THSD7B: variants seen among roughly 807,000 people sequenced by gnomAD.
THSD7B encodes thrombospondin type-1 domain-containing protein 7B.
Under a neutral mutation model 213.6 loss-of-function variants are expected in THSD7B, and 138 were observed. The ratio of observed to expected loss-of-function variants is 0.65; its 90% CI spans 0.56 to 0.74. The LOEUF (loss-of-function observed/expected upper bound fraction) is 0.74. Among genes scored for constraint, THSD7B ranks in the 30% least tolerant of loss-of-function variants. The probability of loss-of-function intolerance (pLI) is 0.00; values close to 1 mark genes in which losing one functional copy is unlikely to be tolerated. For missense variants in THSD7B, 1,931 were observed against 1,991.5 expected, an observed-to-expected ratio of 0.97 and a Z score of 0.58; for synonymous variants, 742 against 687.0, an observed-to-expected ratio of 1.08 and a Z score of -1.25.
At chr2:137,036,880 C>G (rs1030079146) in intron 2 of THSD7B, among the ~76,000 whole-genome samples, 1 of 152,130 alleles carries the variant, frequency 6.6e-6, no homozygotes, top group Non-Finnish European at 1.5e-5. Flanking sequence ...TTGAGCACAT[C>G]AAGACCATTT....
At position 137,192,058 on chromosome 2, in the gene THSD7B, G is replaced by T. The variant is rs111492037; in HGVS notation, c.1723+21120G>T. 7.3e-3 allele frequency among the ~76,000 whole-genome samples: 1,111 copies of T among 152,130 alleles called. 14 individuals carry two copies. The highest frequency in any genetic ancestry group is 0.025 in the African/African-American group (1,022 of 41,504). ...ATGAATTGTTGGAAGAGGAATTGCT[G>T]GTGTTATCATTTGTGTTTTGTGGGT... On this transcript the variant is annotated intron_variant, in intron 7 of 27. Transcript: ENST00000409968.
Position 136,882,067 on chromosome 2 carries a change from AG to A in THSD7B, c.-35-75del, listed in dbSNP as rs1303886297. On this transcript the variant is annotated intron_variant, in intron 1 of 27. Transcript: ENST00000409968. ...AAAACTTGCAATACCATCATAATAA[AG>A]GTTCTAGCAGTCAAAATGAGTTGTT... 4.3e-5 allele frequency: 50 copies of A among 1,150,836 alleles called. No individual in the cohort carries two copies. In the East Asian group the frequency reaches 7.5e-4, roughly 17 times the overall value. 71.3% of individuals were successfully genotyped at this position (1,150,836 alleles called of 1,614,324 possible). A position where few individuals can be genotyped will look rare whatever the true frequency, so the allele number is the denominator to read the frequency against.
chr2:137,071,427 G>C lies in THSD7B; in HGVS notation c.950+14197G>C, dbSNP rs529179581. Reference sequence around the variant, plus strand: ...TTGTTTGTTTTTTTCTTGTAAATTTGTTTGAGTTCATTGTAGATTCTGGAT... The same window carrying C: ...TTGTTTGTTTTTTTCTTGTAAATTTCTTTGAGTTCATTGTAGATTCTGGAT... On this transcript the variant is annotated intron_variant, in intron 3 of 27. Coordinates refer to ENST00000409968, the MANE Select transcript of THSD7B (RefSeq NM_001316349.2). Among the ~76,000 whole-genome samples, 436 of 152,142 alleles carry C rather than the reference G, an allele frequency of 2.9e-3. 3 individuals carry two copies. The highest frequency in any genetic ancestry group is 9.5e-3 in the African/African-American group (395 of 41,504).
chr2:137,277,829 G>A (rs1682907216), intron 12 of THSD7B, among the ~76,000 whole-genome samples: 1 of 152,098 alleles, frequency 6.6e-6, no homozygotes, highest in Non-Finnish European at 1.5e-5. Flanking sequence ...GAGTGTGTGT[G>A]TATGTGTGTT....
chr2:137,655,343 C>T (rs1208941520), intron 21 of THSD7B, among the ~76,000 whole-genome samples, 158 bp from the exon 22 acceptor site: 1 of 152,102 alleles, frequency 6.6e-6, no homozygotes, highest in Non-Finnish European at 1.5e-5. Flanking sequence ...CAGTGTTGCT[C>T]AGGGATGCTT....
chr2:137,186,437 C>T (rs540338710), intron 7 of THSD7B, among the ~76,000 whole-genome samples: 8 of 152,052 alleles, frequency 5.3e-5, no homozygotes, highest in East Asian at 1.9e-4. Flanking sequence ...TTTATTCTTC[C>T]GCAAATGGCT....
At chr2:137,071,753 A>G (rs1558908267) in intron 3 of THSD7B, among the ~76,000 whole-genome samples, 1 of 152,166 alleles carries the variant, frequency 6.6e-6, no homozygotes, top group Non-Finnish European at 1.5e-5. Flanking sequence ...CTAACATTTA[A>G]GTCTTTAATC....
intron 5 of THSD7B, chr2:137,156,064 T>C (rs1435379981): frequency 1.3e-5 from 2 of 152,154 alleles, no homozygotes; most frequent in Non-Finnish European, 2.9e-5. Context: ...GTAAAATTGA[T>C]GAATTAAACT....
chr2:137,294,695 G>T (rs1331121219), intron 12 of THSD7B, among the ~76,000 whole-genome samples: 1 of 150,850 alleles, frequency 6.6e-6, no homozygotes, highest in African/African-American at 2.4e-5. Flanking sequence ...TTCTTACTGT[G>T]CTTAATCTAT....
intron 2 of THSD7B, among the ~76,000 whole-genome samples, chr2:136,946,628 G>T (rs938277642): frequency 3.3e-5 from 5 of 152,154 alleles, no homozygotes; most frequent in Non-Finnish European, 7.4e-5. Flanking sequence ...CTGTGCTGTG[G>T]TTGGCTCTGC....
intron 1 of THSD7B, among the ~76,000 whole-genome samples, chr2:136,860,672 C>T (rs889707192): frequency 1.3e-5 from 2 of 152,226 alleles, no homozygotes; most frequent in African/African-American, 4.8e-5. Context: ...ATGATTTCCA[C>T]TGCCACTCAT....
intron 5 of THSD7B, among the ~76,000 whole-genome samples, chr2:137,150,242 CAAAAAAA>C (rs34325279): frequency 7.7e-6 from 1 of 129,372 alleles, no homozygotes; most frequent in Non-Finnish European, 1.7e-5. Context: ...AATTCTGTCT[CAAAAAAA>C]AAAAAAAAGA....
chr2:137,130,244 A>G (rs187402213), intron 5 of THSD7B, among the ~76,000 whole-genome samples: 1 of 152,208 alleles, frequency 6.6e-6, no homozygotes, highest in Admixed American at 6.5e-5. Flanking sequence ...AAAAACACAT[A>G]ATGTATGTCT....
At chr2:137,458,977 T>G (rs976740300) in intron 15 of THSD7B, among the ~76,000 whole-genome samples, 2 of 152,108 alleles carry the variant, frequency 1.3e-5, no homozygotes, top group African/African-American at 4.8e-5. Flanking sequence ...TTATCTTTCT[T>G]ACTGCATCAA....
chr2:137,185,694 A>G (rs1421962361), intron 7 of THSD7B, among the ~76,000 whole-genome samples: 1 of 152,162 alleles, frequency 6.6e-6, no homozygotes, highest in Non-Finnish European at 1.5e-5. Flanking sequence ...CTAGCTCTGC[A>G]GTGAACCTAT....
At position 136,887,329 on chromosome 2, in the gene THSD7B, T is replaced by TGTGTGTGTGA. The variant is rs1553455589; in HGVS notation, c.139+5013_139+5014insTGTGTGTGAG. 4.3e-3 allele frequency among the ~76,000 whole-genome samples: 644 copies of TGTGTGTGTGA among 151,144 alleles called. 4 individuals are homozygous for TGTGTGTGTGA. Among genetic ancestry groups the TGTGTGTGTGA allele is most frequent in the South Asian group, 0.017 (81 of 4,770 alleles). ...GTGTGTGTGTGTGTGTGTGTGTGTG[T>TGTGTGTGTGA]GACAGGCTTTTAAAATAGCCTTCAG... On this transcript the variant is annotated intron_variant, in intron 2 of 27. Coordinates refer to ENST00000409968, the MANE Select transcript of THSD7B (RefSeq NM_001316349.2).
At chr2:137,451,918 A>C (rs561983204) in intron 15 of THSD7B, 2 of 249,146 alleles carry the variant, frequency 8.0e-6, no homozygotes, top group Non-Finnish European at 1.3e-5. Context: ...ACATGCTTCT[A>C]TTACTAATTC....
At chr2:137,266,916 A>G (rs1159111624) in intron 10 of THSD7B, among the ~76,000 whole-genome samples, 1 of 152,200 alleles carries the variant, frequency 6.6e-6, no homozygotes. Flanking sequence ...CATTAATCGA[A>G]TAACTCTGAC....
intron 12 of THSD7B, among the ~76,000 whole-genome samples, chr2:137,309,322 T>C (rs181347443): frequency 6.6e-6 from 1 of 152,008 alleles, no homozygotes; most frequent in African/African-American, 2.4e-5. Flanking sequence ...GCTGTTTGCT[T>C]TTTTGTCTTT....
Sources: allele counts gnomAD v4.1 joint callset (sites outside exome capture counted in the v4.1 genomes callset), GRCh38; gene constraint gnomAD v4.1.1; transcripts MANE v1.5; gene names NCBI Gene and HGNC (gene_info 2026-07-23, HGNC 2026-07-21).